Variants in HIP1 observed in about 807,000 individuals in gnomAD.
The protein encoded by HIP1 is huntingtin interacting protein 1.
HIP1 carries 65 observed loss-of-function variants against 147.6 expected under a neutral mutation model. The ratio of observed to expected loss-of-function variants is 0.44; its 90% CI spans 0.36 to 0.54. The LOEUF is 0.54. Ranked by LOEUF, HIP1 falls within the 20% of genes least tolerant of loss-of-function variation. The pLI is 0.00. For missense variants in HIP1, 1,061 were observed against 1,299.6 expected (o/e 0.82, Z 2.82); for synonymous variants, 479 against 504.0 (o/e 0.95, Z 0.67).
rs1461311088 is a variant in HIP1, at chr7:75,535,079, C to G, written c.*3093G>C. 4.7e-6 allele frequency: 1 copy of G among 213,336 alleles called. No individual in the cohort carries two copies. The highest frequency in any genetic ancestry group is 7.0e-5 in the East Asian group (1 of 14,332). 13.2% of individuals were successfully genotyped at this position (213,336 alleles called of 1,614,324 possible). On this transcript the variant is annotated 3_prime_UTR_variant, in exon 31 of 31. Transcript: ENST00000336926. ...AATGGGGTAGCCATTCTAATCTGAG[C>G]TATTACGAAAGTAATTATGTGACAT...
intron 1 of HIP1, among the ~76,000 whole-genome samples, chr7:75,702,743 G>A (rs556014717): frequency 9.2e-5 from 14 of 151,666 alleles, no homozygotes; most frequent in East Asian, 3.9e-4. Flanking sequence ...CAGCCTGGGC[G>A]CCAGAGTGAG....
At chr7:75,551,542 G>A (rs1223306052) in intron 22 of HIP1, among the ~76,000 whole-genome samples, 1 of 151,098 alleles carries the variant, frequency 6.6e-6, no homozygotes, top group Non-Finnish European at 1.5e-5. Context: ...TCTTTTTAGA[G>A]ACAGGGTCTT....
intron 25 of HIP1, among the ~76,000 whole-genome samples, chr7:75,545,734 A>G (rs1330839945): frequency 6.6e-6 from 1 of 152,128 alleles, no homozygotes; most frequent in Non-Finnish European, 1.5e-5. Flanking sequence ...TCACGAGGTC[A>G]AGAGATTGAG....
chr7:75,597,316 C>T lies in HIP1; in HGVS notation c.184+1868G>A, dbSNP rs1360675586. 2.0e-5 allele frequency among the ~76,000 whole-genome samples: 3 copies of T among 152,268 alleles called. No homozygotes were observed. In the East Asian group the frequency reaches 5.8e-4, roughly 29 times the overall value. On this transcript the variant is annotated intron_variant, in intron 2 of 30. Transcript: ENST00000336926. ...TCTGGCTATCTAACCTGGAGGGTCG[C>T]CTCTAGGGGTTGAGGCTAGAAGGCT...
At chr7:75,679,416 T>C (rs1230877549) in intron 1 of HIP1, among the ~76,000 whole-genome samples, 4 of 152,172 alleles carry the variant, frequency 2.6e-5, no homozygotes, top group African/African-American at 9.6e-5. Context: ...GTTGCCCAGG[T>C]TGGCTTAGGA....
At position 75,672,388 on chromosome 7, in the gene HIP1, A is replaced by G. The variant is rs139955728; in HGVS notation, c.120+66413T>C. Reference sequence around the variant, plus strand: ...GTTGTCCAGGCTGGAGTGCAGCAGTACCATCTCAGCTCCCTGCAACCTCCA... The same window carrying G: ...GTTGTCCAGGCTGGAGTGCAGCAGTGCCATCTCAGCTCCCTGCAACCTCCA... On this transcript the variant is annotated intron_variant, in intron 1 of 30. Coordinates refer to ENST00000336926, the MANE Select transcript of HIP1 (RefSeq NM_005338.7). Among the ~76,000 whole-genome samples the G allele has an allele frequency of 1.9e-3, 283 of 150,696 alleles. 1 individual carries two copies. Among genetic ancestry groups the G allele is most frequent in the African/African-American group, 6.5e-3 (267 of 40,940 alleles).
chr7:75,635,493 G>A lies in HIP1; in HGVS notation c.121-36246C>T, dbSNP rs587728111. Among the ~76,000 whole-genome samples the A allele has an allele frequency of 2.7e-5, 4 of 149,680 alleles. No individual in the cohort carries two copies. The South Asian group carries it at 8.5e-4, about 32-fold the overall frequency. ...CTCGGGAGGCTAAGGCAGGAGAATCGCTTGAACCCAGGAGGCGGAGGCGGT... is the reference window on the plus strand; with the variant it reads ...CTCGGGAGGCTAAGGCAGGAGAATCACTTGAACCCAGGAGGCGGAGGCGGT... On this transcript the variant is annotated intron_variant, in intron 1 of 30. Transcript: ENST00000336926.
chr7:75,699,119 T>A (rs1008844268), intron 1 of HIP1, among the ~76,000 whole-genome samples: 2 of 151,242 alleles, frequency 1.3e-5, no homozygotes, highest in Non-Finnish European at 2.9e-5. Flanking sequence ...ATTTCATAGG[T>A]TTTTTTTTAA....
chr7:75,607,912 C>T (rs1797288720), intron 1 of HIP1, among the ~76,000 whole-genome samples: 1 of 151,970 alleles, frequency 6.6e-6, no homozygotes, highest in Non-Finnish European at 1.5e-5. Context: ...CATTAAAATT[C>T]ACAAGATGAA....
chr7:75,577,561 C>T (rs1295388946), intron 7 of HIP1, among the ~76,000 whole-genome samples: 1 of 152,150 alleles, frequency 6.6e-6, no homozygotes, highest in Non-Finnish European at 1.5e-5. Context: ...AGCCACTGCA[C>T]CTGGTAGCCT....
intron 1 of HIP1, among the ~76,000 whole-genome samples, chr7:75,681,125 C>T (rs1466205455): frequency 2.0e-5 from 3 of 151,992 alleles, no homozygotes; most frequent in Admixed American, 6.6e-5. Context: ...GTTGGTCAGG[C>T]TGGTCTTGAC....
At chr7:75,589,679 T>C (rs1179026008) in intron 4 of HIP1, among the ~76,000 whole-genome samples, 2 of 62,004 alleles carry the variant, frequency 3.2e-5, no homozygotes, top group African/African-American at 2.0e-4. Context: ...CAAGACTCTG[T>C]CTCCAAAAAA....
At chr7:75,607,167 C>G (rs57451434) in intron 1 of HIP1, among the ~76,000 whole-genome samples, 15,193 of 148,134 alleles carry the variant, frequency 0.1, 1,373 homozygotes, top group African/African-American at 0.24. Flanking sequence ...CCAGGAGTTT[C>G]AGAACAGCCT....
chr7:75,568,078 A>G lies in HIP1; in HGVS notation c.803+121T>C. ...TGATCCTCCCGCCTCAGCCTCCCAA[A>G]GAGTTGGGGTTACAGGCATGAACCA... On this transcript the variant is annotated intron_variant, in intron 9 of 30. Transcript: ENST00000336926. This position sits in a 1 kb window ranked among gnomAD's most constrained non-coding sequence, Gnocchi z 4.1. 1.3e-6 allele frequency: 1 copy of G among 743,946 alleles called. No homozygotes were observed. 46.1% of individuals were successfully genotyped at this position (743,946 alleles called of 1,614,324 possible).
chr7:75,664,871 T>C (rs1799507053), intron 1 of HIP1, among the ~76,000 whole-genome samples: 1 of 152,166 alleles, frequency 6.6e-6, no homozygotes, highest in Non-Finnish European at 1.5e-5. Context: ...TCTGCCTGCC[T>C]TGGCCTCCCA....
chr7:75,623,090 C>A (rs1213523267), intron 1 of HIP1, among the ~76,000 whole-genome samples: 2 of 145,718 alleles, frequency 1.4e-5, no homozygotes, highest in Non-Finnish European at 3.0e-5. Flanking sequence ...CCCAGCTACT[C>A]GGGAGGCTGA....
chr7:75,616,594 G>GGAGGAGGAC (rs1311346564), intron 1 of HIP1, among the ~76,000 whole-genome samples: 8 of 138,342 alleles, frequency 5.8e-5, no homozygotes, highest in East Asian at 4.0e-4. Flanking sequence ...GGGAGGAGGA[G>GGAGGAGGAC]GAGGAGGAGG....
intron 1 of HIP1, among the ~76,000 whole-genome samples, chr7:75,652,803 G>A (rs1034984714): frequency 1.3e-5 from 2 of 152,232 alleles, no homozygotes. Context: ...ATTCACAATC[G>A]AACTCCTACC....
intron 1 of HIP1, among the ~76,000 whole-genome samples, chr7:75,654,099 AAG>A (rs1799074395): frequency 6.6e-6 from 1 of 152,070 alleles, no homozygotes; most frequent in Non-Finnish European, 1.5e-5. Context: ...GGTTTCCTCT[AAG>A]AAACAGAACA....
Sources: allele counts gnomAD v4.1 joint callset (sites outside exome capture counted in the v4.1 genomes callset), GRCh38; gene constraint gnomAD v4.1.1; non-coding constraint Gnocchi (gnomAD v3.1); transcripts MANE v1.5; gene names NCBI Gene and HGNC (gene_info 2026-07-23, HGNC 2026-07-21).